The following GRIK2 variants were observed in gnomAD, a reference collection of about 807,000 sequenced individuals.
GRIK2 encodes glutamate ionotropic receptor kainate type subunit 2.
GRIK2 carries 32 observed loss-of-function variants against 100.3 expected under a neutral mutation model. The ratio of observed to expected loss-of-function variants is 0.32; its 90% CI spans 0.24 to 0.43. The LOEUF is 0.43. GRIK2 is among the 20% of genes least tolerant of loss of function. GRIK2 has a pLI of 1.00. For synonymous variants in GRIK2, 417 were observed against 389.4 expected (o/e 1.07, Z -0.83); for missense variants, 843 against 1,114.9 (o/e 0.76, Z 3.47).
chr6:101,630,551 T>A (rs927601204), intron 4 of GRIK2, among the ~76,000 whole-genome samples: 1 of 152,126 alleles, frequency 6.6e-6, no homozygotes, highest in African/African-American at 2.4e-5. Flanking sequence ...CTTACTTTTT[T>A]AATGGGGTTA....
chr6:101,710,302 G>A (rs1773607419), intron 7 of GRIK2, among the ~76,000 whole-genome samples: 1 of 151,772 alleles, frequency 6.6e-6, no homozygotes, highest in Admixed American at 6.6e-5. Flanking sequence ...TTCTAGTTGT[G>A]GCTTTGCTGC....
chr6:101,723,423 C>A (rs1774630031), intron 7 of GRIK2, among the ~76,000 whole-genome samples: 2 of 152,008 alleles, frequency 1.3e-5, no homozygotes, highest in Non-Finnish European at 2.9e-5. Context: ...AATTAGAAAT[C>A]TCAAAAATAA....
intron 2 of GRIK2, among the ~76,000 whole-genome samples, chr6:101,408,575 G>A (rs1050097797): frequency 6.6e-6 from 1 of 151,984 alleles, no homozygotes; most frequent in African/African-American, 2.4e-5. Context: ...GAACCCAAAG[G>A]CATGAAGAAA....
At chr6:102,036,094 C>CT (rs1288646313) in intron 15 of GRIK2, among the ~76,000 whole-genome samples, 1 of 151,268 alleles carries the variant, frequency 6.6e-6, no homozygotes, top group Admixed American at 6.6e-5. Flanking sequence ...CATCCCCCTT[C>CT]TTTCATATGG....
intron 2 of GRIK2, among the ~76,000 whole-genome samples, chr6:101,474,827 C>T (rs978923208): frequency 1.3e-5 from 2 of 151,626 alleles, no homozygotes; most frequent in Admixed American, 1.3e-4. Context: ...TGATTACATA[C>T]CATAGTTCCT....
intron 7 of GRIK2, among the ~76,000 whole-genome samples, chr6:101,725,862 A>G (rs185469080): frequency 6.6e-6 from 1 of 152,138 alleles, no homozygotes; most frequent in African/African-American, 2.4e-5. Context: ...CCAACAAGGA[A>G]AATGAATATT....
chr6:101,883,347 G>A (rs1786396350), intron 11 of GRIK2, among the ~76,000 whole-genome samples: 1 of 150,676 alleles, frequency 6.6e-6, no homozygotes, highest in African/African-American at 2.4e-5. Flanking sequence ...CCTGAGGGTA[G>A]AATTACCATG....
At chr6:101,488,866 A>G (rs1772961887) in intron 2 of GRIK2, among the ~76,000 whole-genome samples, 2 of 146,474 alleles carry the variant, frequency 1.4e-5, no homozygotes, top group African/African-American at 5.2e-5. Flanking sequence ...TACAAAAAAC[A>G]TGTAAATAAA....
At chr6:101,842,649 G>T (rs1783584380) in intron 10 of GRIK2, among the ~76,000 whole-genome samples, 1 of 152,104 alleles carries the variant, frequency 6.6e-6, no homozygotes, top group Non-Finnish European at 1.5e-5. Flanking sequence ...GCAGCTGAAA[G>T]TTAAACTCAC....
intron 2 of GRIK2, among the ~76,000 whole-genome samples, chr6:101,565,456 C>T (rs753484030): frequency 5.3e-5 from 8 of 151,994 alleles, no homozygotes; most frequent in Non-Finnish European, 1.2e-4. Context: ...AGATAAAGTG[C>T]ATTTTTATAT....
Position 101,850,305 on chromosome 6 carries a change from C to T in GRIK2, c.1318-8982C>T, listed in dbSNP as rs117684504. Reference sequence around the variant, plus strand: ...TCATTGTTCAGTGTTGTATACCTAGCACCTGGAAGAGTGTTGGGACAGAGT... The same window carrying T: ...TCATTGTTCAGTGTTGTATACCTAGTACCTGGAAGAGTGTTGGGACAGAGT... On this transcript the variant is annotated intron_variant, in intron 10 of 16. Transcript: ENST00000369134. Among the ~76,000 whole-genome samples, 1,481 of 152,106 alleles carry T rather than the reference C, an allele frequency of 9.7e-3. 11 individuals are homozygous for T. The highest frequency in any genetic ancestry group is 0.02 in the Middle Eastern group (6 of 294).
chr6:101,504,996 T>G (rs1773948101), intron 2 of GRIK2, among the ~76,000 whole-genome samples: 1 of 152,098 alleles, frequency 6.6e-6, no homozygotes, highest in Admixed American at 6.6e-5. Flanking sequence ...ATTTTATATT[T>G]GTTTTCAGGG....
intron 10 of GRIK2, among the ~76,000 whole-genome samples, chr6:101,839,702 T>C (rs1353120422): frequency 6.6e-6 from 1 of 152,088 alleles, no homozygotes; most frequent in Admixed American, 6.5e-5. Context: ...TGGAAGACTC[T>C]AAAGGGATGA....
chr6:101,845,498 AC>A (rs1247332567), intron 10 of GRIK2, among the ~76,000 whole-genome samples: 1 of 152,128 alleles, frequency 6.6e-6, no homozygotes, highest in Non-Finnish European at 1.5e-5. Flanking sequence ...ATACTTCAAT[AC>A]TTTTATGATT....
chr6:101,954,397 T>C (rs1020670515), intron 14 of GRIK2, among the ~76,000 whole-genome samples: 3 of 152,074 alleles, frequency 2.0e-5, no homozygotes, highest in Non-Finnish European at 4.4e-5. Context: ...TTTCAATGTG[T>C]TTTCACTTTT....
intron 10 of GRIK2, among the ~76,000 whole-genome samples, chr6:101,833,320 C>G (rs1244360124): frequency 6.6e-6 from 1 of 152,032 alleles, no homozygotes. Flanking sequence ...CAACCTTCGC[C>G]TCCCAGGTTC....
intron 10 of GRIK2, among the ~76,000 whole-genome samples, chr6:101,858,387 T>TC (rs1784547659): frequency 8.2e-6 from 1 of 122,234 alleles, no homozygotes; most frequent in South Asian, 2.8e-4. Flanking sequence ...TTTTTTTTTC[T>TC]TTTTTTTTTT....
At chr6:101,432,894 T>C (rs1168180763) in intron 2 of GRIK2, among the ~76,000 whole-genome samples, 1 of 152,086 alleles carries the variant, frequency 6.6e-6, no homozygotes, top group Non-Finnish European at 1.5e-5. Flanking sequence ...TATTAAAACA[T>C]TATACATATA....
At chr6:102,064,690 G>A (rs935739309) in intron 16 of GRIK2, among the ~76,000 whole-genome samples, 1 of 151,082 alleles carries the variant, frequency 6.6e-6, no homozygotes, top group Non-Finnish European at 1.5e-5. Flanking sequence ...TTTGGGCAAT[G>A]TACAGCACAG....
Sources: gnomAD v4.1 joint callset for allele counts (sites outside exome capture counted in the v4.1 genomes callset) on GRCh38, gnomAD v4.1.1 for gene constraint, MANE v1.5 for transcripts, NCBI Gene and HGNC (gene_info 2026-07-23, HGNC 2026-07-21) for gene names.